Variants in IGSF10 observed in about 807,000 individuals in gnomAD.
IGSF10 encodes immunoglobulin superfamily member 10.
IGSF10 carries 126 observed loss-of-function variants against 128.2 expected under a neutral mutation model. The observed-to-expected ratio is 0.98, with a 90% CI of 0.85 to 1.14. The LOEUF is 1.14. IGSF10 is among the 50% of genes most tolerant of loss of function. The pLI, the probability that IGSF10 is intolerant of heterozygous loss-of-function variation, is 0.00. For missense variants in IGSF10, 3,295 were observed against 3,149.8 expected, an observed-to-expected ratio of 1.05 and a Z score of -1.10; for synonymous variants, 1,185 against 1,146.2, an observed-to-expected ratio of 1.03 and a Z score of -0.68.
chr3:151,584,666 G>A, the IGSF10 span, among the ~76,000 whole-genome samples: 5 of 152,214 alleles, frequency 3.3e-5, no homozygotes, highest in African/African-American at 1.2e-4. Flanking sequence ...GGTCCCAGGT[G>A]GAGGCTGGTT....
intron 7 of IGSF10, among the ~76,000 whole-genome samples, chr3:151,440,188 C>T (rs528662519): frequency 3.1e-4 from 47 of 152,166 alleles, no homozygotes; most frequent in African/African-American, 1.1e-3. Flanking sequence ...CACCACTATG[C>T]CCTCCTAATT....
At chr3:151,532,898 T>C in the IGSF10 span, among the ~76,000 whole-genome samples, 1 of 152,210 alleles carries the variant, frequency 6.6e-6, no homozygotes, top group Non-Finnish European at 1.5e-5. Context: ...TATTTGCAGA[T>C]GACATGATTG....
At chr3:151,610,511 T>C in the IGSF10 span, among the ~76,000 whole-genome samples, 12 of 152,198 alleles carry the variant, frequency 7.9e-5, no homozygotes, top group Admixed American at 7.9e-4. Flanking sequence ...TAGATTCTTT[T>C]TTAATGATCA....
chr3:151,494,443 T>C, the IGSF10 span, among the ~76,000 whole-genome samples: 1 of 152,226 alleles, frequency 6.6e-6, no homozygotes, highest in East Asian at 1.9e-4. Flanking sequence ...AAAATAATCA[T>C]AAGGCAGCCT....
chr3:151,547,885 C>A, the IGSF10 span, among the ~76,000 whole-genome samples: 1 of 152,190 alleles, frequency 6.6e-6, no homozygotes, highest in African/African-American at 2.4e-5. Flanking sequence ...CAATCCCTCA[C>A]TATACAACTT....
the IGSF10 span, among the ~76,000 whole-genome samples, chr3:151,581,534 C>G: frequency 3.0e-4 from 46 of 152,278 alleles, no homozygotes; most frequent in East Asian, 8.3e-3. Flanking sequence ...GGAATGACAG[C>G]TCACCTTATT....
At chr3:151,577,210 G>A in the IGSF10 span, among the ~76,000 whole-genome samples, 1 of 152,020 alleles carries the variant, frequency 6.6e-6, no homozygotes, top group Non-Finnish European at 1.5e-5. Context: ...TTTTATTTCT[G>A]GTAGTTACCT....
the IGSF10 span, among the ~76,000 whole-genome samples, chr3:151,598,771 C>T: frequency 4.6e-5 from 7 of 152,116 alleles, no homozygotes; most frequent in Admixed American, 3.3e-4. Context: ...CCCACAGATA[C>T]GGAGTGCCAA....
chr3:151,543,683 T>C, the IGSF10 span, among the ~76,000 whole-genome samples: 1 of 152,154 alleles, frequency 6.6e-6, no homozygotes, highest in Non-Finnish European at 1.5e-5. Context: ...CAGACAATAG[T>C]GGCTCAGAGC....
At position 151,437,136 on chromosome 3, in the gene IGSF10, G is replaced by A. The variant is rs780705473; in HGVS notation, c.7425C>T (p.Asp2475=). 1 of 1,614,116 alleles carries A rather than the reference G, an allele frequency of 6.2e-7. No homozygotes were observed. The highest frequency in any genetic ancestry group is 8.5e-7 in the Non-Finnish European group (1 of 1,180,002). The change falls in exon 8 of 8, where the codon GAC becomes GAT. Residue 2475 remains aspartate, a synonymous_variant. Coordinates refer to ENST00000282466, the MANE Select transcript of IGSF10 (RefSeq NM_178822.5). The part of the protein sequence containing the change: ...KWTMPSGYVV[D]RPQINGKYIL... ...TGTATTTCCCATTAATTTGAGGCCT[G>A]TCTACTACATAACCACTTGGCATAG... is the stretch of plus-strand genomic sequence containing the variant.
the IGSF10 span, among the ~76,000 whole-genome samples, chr3:151,510,980 A>G: frequency 4.8e-3 from 724 of 152,350 alleles, 5 homozygotes; most frequent in African/African-American, 0.016. Context: ...GACCAAATCT[A>G]CGTCTAATTG....
the IGSF10 span, among the ~76,000 whole-genome samples, chr3:151,588,359 T>C: frequency 6.6e-6 from 1 of 151,920 alleles, no homozygotes; most frequent in South Asian, 2.1e-4. Flanking sequence ...AATAGTACAC[T>C]CTCCTATGTC....
At chr3:151,582,504 T>C in the IGSF10 span, among the ~76,000 whole-genome samples, 1 of 152,146 alleles carries the variant, frequency 6.6e-6, no homozygotes, top group Non-Finnish European at 1.5e-5. Context: ...ATATAATATA[T>C]ACCATTTTGT....
At chr3:151,555,402 C>G in the IGSF10 span, among the ~76,000 whole-genome samples, 4 of 151,944 alleles carry the variant, frequency 2.6e-5, no homozygotes, top group Non-Finnish European at 5.9e-5. Flanking sequence ...AAAAATAAAG[C>G]TATTTATCAT....
At chr3:151,550,734 T>G in the IGSF10 span, among the ~76,000 whole-genome samples, 1 of 152,176 alleles carries the variant, frequency 6.6e-6, no homozygotes, top group Non-Finnish European at 1.5e-5. Context: ...TCAGCTGATC[T>G]GACCATCTCT....
At chr3:151,561,054 T>G in the IGSF10 span, among the ~76,000 whole-genome samples, 2 of 152,204 alleles carry the variant, frequency 1.3e-5, no homozygotes, top group African/African-American at 2.4e-5. Flanking sequence ...GAGTATACAT[T>G]CTTTGATAAA....
At chr3:151,607,242 A>G in the IGSF10 span, among the ~76,000 whole-genome samples, 1 of 152,222 alleles carries the variant, frequency 6.6e-6, no homozygotes, top group African/African-American at 2.4e-5. Flanking sequence ...GATACTAAGG[A>G]GAGACTGAAT....
rs569083012 is a variant in IGSF10, at chr3:151,441,715, A to C, written c.5963+1269T>G. Reference sequence around the variant, plus strand: ...GCCACTTGCAAAAAAAAACCTCATAAGCTATAATTATTGATTTTTGAAGAT... The same window carrying C: ...GCCACTTGCAAAAAAAAACCTCATACGCTATAATTATTGATTTTTGAAGAT... On this transcript the variant is annotated intron_variant, in intron 7 of 7. Transcript: ENST00000282466. 9.7e-4 allele frequency among the ~76,000 whole-genome samples: 148 copies of C among 152,326 alleles called. 1 individual carries two copies. The highest frequency in any genetic ancestry group is 5.4e-3 in the Admixed American group (82 of 15,302).
At chr3:151,591,072 C>T in the IGSF10 span, among the ~76,000 whole-genome samples, 2 of 151,984 alleles carry the variant, frequency 1.3e-5, no homozygotes, top group Non-Finnish European at 2.9e-5. Flanking sequence ...ATGAATCTGC[C>T]TTGTGATGGC....
Sources: gnomAD v4.1 joint callset for allele counts (sites outside exome capture counted in the v4.1 genomes callset) on GRCh38, gnomAD v4.1.1 for gene constraint, MANE v1.5 for transcripts, NCBI Gene and HGNC (gene_info 2026-07-23, HGNC 2026-07-21) for gene names.